KHDRBS2: variants seen among roughly 807,000 people sequenced by gnomAD.
KHDRBS2 encodes KH domain-containing, RNA-binding, signal transduction-associated protein 2.
A neutral mutation model predicts 44.3 loss-of-function variants in KHDRBS2; 26 were observed. The ratio of observed to expected loss-of-function variants is 0.59; its 90% CI spans 0.43 to 0.81. KHDRBS2 has a LOEUF of 0.81. KHDRBS2 is among the 40% of genes least tolerant of loss of function. The pLI is 0.00. For missense variants in KHDRBS2, 476 were observed against 433.1 expected, an observed-to-expected ratio of 1.10 and a Z score of -0.88; for synonymous variants, 194 against 151.1, an observed-to-expected ratio of 1.28 and a Z score of -2.08.
chr6:62,255,548 G>A (rs1837233540), intron 1 of KHDRBS2, among the ~76,000 whole-genome samples: 1 of 149,910 alleles, frequency 6.7e-6, no homozygotes, highest in Non-Finnish European at 1.5e-5. Flanking sequence ...AACCATTTCT[G>A]TAAATACTAT....
intron 2 of KHDRBS2, among the ~76,000 whole-genome samples, chr6:62,160,954 A>T (rs1585004339): frequency 6.6e-6 from 1 of 152,236 alleles, no homozygotes; most frequent in East Asian, 1.9e-4. Context: ...GAAACTCTAT[A>T]TCCACTGAAC....
chr6:62,171,086 C>A (rs535880274), intron 2 of KHDRBS2, among the ~76,000 whole-genome samples: 1 of 152,012 alleles, frequency 6.6e-6, no homozygotes, highest in Non-Finnish European at 1.5e-5. Flanking sequence ...CTCCAAACAA[C>A]TTAATTAGTT....
chr6:62,251,831 C>T (rs1836589430), intron 1 of KHDRBS2, among the ~76,000 whole-genome samples: 1 of 147,460 alleles, frequency 6.8e-6, no homozygotes, highest in Non-Finnish European at 1.5e-5. Context: ...CACATTTTTA[C>T]TTAAAATTTG....
chr6:61,701,111 G>A (rs560774599), intron 7 of KHDRBS2, among the ~76,000 whole-genome samples: 1 of 151,850 alleles, frequency 6.6e-6, no homozygotes, highest in Non-Finnish European at 1.5e-5. Context: ...TTATGCCATT[G>A]CCAGTGACAA....
At position 61,975,491 on chromosome 6, in the gene KHDRBS2, C is replaced by T. The variant is rs143787733; in HGVS notation, c.483+2575G>A. On this transcript the variant is annotated intron_variant, in intron 4 of 8. Transcript: ENST00000281156. The stretch of plus-strand genomic sequence containing the variant: ...ATTGGCAGTTCATTTTTGCCCCTTG[C>T]GGTTCTCCCATTCTTTGCTTTCTGC... Among the ~76,000 whole-genome samples, 492 of 152,172 alleles carry T rather than the reference C, an allele frequency of 3.2e-3. 4 individuals are homozygous for T. Among genetic ancestry groups the T allele is most frequent in the African/African-American group, 0.011 (462 of 41,528 alleles).
chr6:61,722,499 A>C (rs938765407), intron 7 of KHDRBS2, among the ~76,000 whole-genome samples: 2 of 152,146 alleles, frequency 1.3e-5, no homozygotes, highest in African/African-American at 4.8e-5. Flanking sequence ...TTATAATCTC[A>C]CAAATTCTAT....
chr6:61,600,070 GTTAATC>G, the KHDRBS2 span, among the ~76,000 whole-genome samples: 27 of 152,274 alleles, frequency 1.8e-4, no homozygotes, highest in African/African-American at 6.0e-4. Flanking sequence ...CTTTTCACTT[GTTAATC>G]TTAAATTTGG....
chr6:61,594,563 C>T, the KHDRBS2 span, among the ~76,000 whole-genome samples: 2 of 152,038 alleles, frequency 1.3e-5, no homozygotes, highest in Non-Finnish European at 2.9e-5. Context: ...GTTAGAGATG[C>T]AATTGACAAA....
intron 2 of KHDRBS2, among the ~76,000 whole-genome samples, chr6:62,098,099 A>G (rs558332247): frequency 6.6e-6 from 1 of 152,166 alleles, no homozygotes; most frequent in East Asian, 1.9e-4. Flanking sequence ...CTATATTTTC[A>G]CCATTAATAT....
the KHDRBS2 span, among the ~76,000 whole-genome samples, chr6:61,660,054 T>A: frequency 0.025 from 3,851 of 151,960 alleles, 78 homozygotes; most frequent in Middle Eastern, 0.078. Context: ...AAAACTACCA[T>A]AATTTCTCAT....
chr6:62,073,977 C>T (rs1795832470), intron 2 of KHDRBS2, among the ~76,000 whole-genome samples: 1 of 151,780 alleles, frequency 6.6e-6, no homozygotes, highest in Admixed American at 6.6e-5. Flanking sequence ...TGGGGATCCA[C>T]TTTTTCTACG....
the KHDRBS2 span, among the ~76,000 whole-genome samples, chr6:61,572,217 A>C: frequency 6.6e-6 from 1 of 152,170 alleles, no homozygotes; most frequent in Non-Finnish European, 1.5e-5. Flanking sequence ...TAGAAAATCT[A>C]GAAGATGCAG....
intron 3 of KHDRBS2, among the ~76,000 whole-genome samples, chr6:62,045,081 G>A (rs1001057396): frequency 1.3e-5 from 2 of 151,862 alleles, no homozygotes; most frequent in African/African-American, 4.8e-5. Context: ...AGAACATGAA[G>A]GAAAAAAAGA....
chr6:61,723,169 A>AAACG (rs1464126287), intron 7 of KHDRBS2, among the ~76,000 whole-genome samples: 1 of 151,586 alleles, frequency 6.6e-6, no homozygotes, highest in African/African-American at 2.4e-5. Flanking sequence ...ACAAACAAAC[A>AAACG]AACAAACAAA....
intron 3 of KHDRBS2, among the ~76,000 whole-genome samples, chr6:62,017,934 A>C (rs1781509091): frequency 6.6e-6 from 1 of 151,994 alleles, no homozygotes; most frequent in African/African-American, 2.4e-5. Context: ...ATTTGATATA[A>C]AAAATTTATT....
At chr6:61,575,021 C>T in the KHDRBS2 span, among the ~76,000 whole-genome samples, 66 of 152,264 alleles carry the variant, frequency 4.3e-4, 1 homozygote, top group African/African-American at 1.5e-3. Flanking sequence ...TAAAAGATAA[C>T]ATTGGAAAAA....
At chr6:62,076,422 G>C (rs1237071110) in intron 2 of KHDRBS2, among the ~76,000 whole-genome samples, 1 of 151,964 alleles carries the variant, frequency 6.6e-6, no homozygotes, top group Non-Finnish European at 1.5e-5. Flanking sequence ...TTGGGAATTA[G>C]GTAGATGTTC....
Position 62,177,185 on chromosome 6 carries a change from C to A in KHDRBS2, c.219G>T (p.Lys73Asn), listed in dbSNP as rs760464255. 1 of 1,557,666 alleles carries A rather than the reference C, an allele frequency of 6.4e-7. No homozygotes were observed. Among genetic ancestry groups the A allele is most frequent in the Non-Finnish European group, 8.8e-7 (1 of 1,134,220 alleles). ...RVLIPVKQYP[K>N]FNFVGKLLGP... is the part of the protein sequence containing the mutation. Reference sequence around the variant, plus strand: ...GAGAACAAAGTATATATGGTAGTACCTTTGGATACTGCTTGACAGGAATCA... The same window carrying A: ...GAGAACAAAGTATATATGGTAGTACATTTGGATACTGCTTGACAGGAATCA... The change falls in exon 2 of 9, where the codon AAG becomes AAT. Residue 73 changes from lysine to asparagine, a missense_variant and splice_region_variant. Physicochemically the swap from Lys to Asn is moderately conservative, Grantham distance 94. Coordinates refer to ENST00000281156, the MANE Select transcript of KHDRBS2 (RefSeq NM_152688.4).
intron 6 of KHDRBS2, among the ~76,000 whole-genome samples, chr6:61,771,372 A>G (rs1780872123): frequency 6.6e-6 from 1 of 152,216 alleles, no homozygotes; most frequent in Non-Finnish European, 1.5e-5. Context: ...AAATGCTCCA[A>G]TTAAAAGACA....
Sources: gnomAD v4.1 joint callset for allele counts (sites outside exome capture counted in the v4.1 genomes callset) on GRCh38, gnomAD v4.1.1 for gene constraint, MANE v1.5 for transcripts, NCBI Gene and HGNC (gene_info 2026-07-23, HGNC 2026-07-21) for gene names.